Variants in ZNF92 observed in about 807,000 individuals in gnomAD.
The protein encoded by ZNF92 is epididymis luminal protein 203.
ZNF92 carries 11 observed loss-of-function variants against 12.4 expected under a neutral mutation model. That is an observed-to-expected ratio of 0.89 (90% CI 0.56 to 1.47). ZNF92 has a LOEUF of 1.47. Ranked by LOEUF, ZNF92 falls within the 40% of genes most tolerant of loss-of-function variation. The pLI is 0.00. For missense variants in ZNF92, 622 were observed against 681.0 expected (o/e 0.91, Z 0.96); for synonymous variants, 206 against 228.6 (o/e 0.90, Z 0.89).
At chr7:65,393,338 TTTC>T (rs372131896) in intron 3 of ZNF92, among the ~76,000 whole-genome samples, 1 of 149,286 alleles carries the variant, frequency 6.7e-6, no homozygotes, top group African/African-American at 2.5e-5. Context: ...ATGTGACAAT[TTTC>T]TTTTTTAAGG....
intron 1 of ZNF92, among the ~76,000 whole-genome samples, chr7:65,377,153 G>C (rs1267689939): frequency 6.6e-6 from 1 of 152,004 alleles, no homozygotes; most frequent in Admixed American, 6.6e-5. Flanking sequence ...TCCTTCCCTC[G>C]TATTTATACT....
rs556390290 is a variant in ZNF92 at position 65,387,621 on chromosome 7, C to T, written c.4-281C>T. On this transcript the variant is annotated intron_variant, in intron 1 of 3. Coordinates refer to ENST00000328747, the MANE Select transcript of ZNF92 (RefSeq NM_152626.4). The stretch of plus-strand genomic sequence containing the variant: ...TGAAACATATACACTCAGAAATGTA[C>T]GTTTGTGTTCATGCCCTTAATTTTA... Among the ~76,000 whole-genome samples, 9 of 150,864 alleles carry T rather than the reference C, an allele frequency of 6.0e-5. No homozygotes were observed. The East Asian group carries it at 7.8e-4, about 13-fold the overall frequency.
In ZNF92 at chr7:65,398,515, AC is replaced by A. The variant is rs1223695642; in HGVS notation, c.403del (p.Gln135SerfsTer3). The A allele has an allele frequency of 8.1e-6, 13 of 1,612,258 alleles. No homozygotes were observed. Among genetic ancestry groups the A allele is most frequent in the Non-Finnish European group, 1.1e-5 (13 of 1,179,392 alleles). On this transcript the variant is annotated frameshift_variant, in exon 4 of 4. Transcript: ENST00000328747. LOFTEE classifies it low-confidence loss of function (END_TRUNC). ...KVYKGGYNGL[N>X]QCLTTTDSKI... ...TACAAAGGAGGTTATAATGGACTTA[AC>A]CAGTGTTTGACAACTACTGACAGCA...
At position 65,400,453 on chromosome 7, in the gene ZNF92, AC is replaced by A. The variant is rs1209715845; in HGVS notation, c.*579del. 6.6e-6 allele frequency: 1 copy of A among 152,054 alleles called. No individual in the cohort carries two copies. Among genetic ancestry groups the A allele is most frequent in the Non-Finnish European group, 1.5e-5 (1 of 67,924 alleles). The allele number at this position is 152,054 out of a possible 1,614,324, so 9.4% of individuals were successfully genotyped here. A position where few individuals can be genotyped will look rare whatever the true frequency, so the allele number is the denominator to read the frequency against. Reference sequence around the variant, plus strand: ...GCTTGGAAAACATCAGAGAGTTCATACTAAAATATATTTTTGCAGATGCAGT... The same window carrying A: ...GCTTGGAAAACATCAGAGAGTTCATATAAAATATATTTTTGCAGATGCAGT... On this transcript the variant is annotated 3_prime_UTR_variant, in exon 4 of 4. Coordinates refer to ENST00000328747, the MANE Select transcript of ZNF92 (RefSeq NM_152626.4).
Position 65,399,058 on chromosome 7 carries a change from G to T in ZNF92, c.944G>T (p.Cys315Phe), listed in dbSNP as rs1394842148. Reference sequence around the variant, plus strand: ...CATATGGAAGATAAACCCTACAAATGTGAAGAATGTGGCAAAGCCTTTAGA... The same window carrying T: ...CATATGGAAGATAAACCCTACAAATTTGAAGAATGTGGCAAAGCCTTTAGA... ...RIHMEDKPYK[C>F]EECGKAFRVF... Residue 315 changes from cysteine (C) to phenylalanine (F), a missense_variant, in exon 4 of 4, where the codon TGT (cysteine) becomes TTT (phenylalanine). By Grantham distance (205) the Cys-to-Phe change is radical. Transcript: ENST00000328747. 1.2e-6 allele frequency: 2 copies of T among 1,613,208 alleles called. No homozygotes were observed. Among genetic ancestry groups the T allele is most frequent in the Non-Finnish European group, 1.7e-6 (2 of 1,179,686 alleles).
At position 65,388,638 on chromosome 7, in the gene ZNF92, T is replaced by TAA. The variant is rs11379548; in HGVS notation, c.131-158_131-157dup. Among the ~76,000 whole-genome samples, 857 of 148,346 alleles carry TAA rather than the reference T, an allele frequency of 5.8e-3. 13 individuals are homozygous for TAA. The highest frequency in any genetic ancestry group is 0.02 in the African/African-American group (806 of 40,502). ...GGGTGACAGAGTGAGGCTCTGTCTT[T>TAA]AAAAAAAAAAATCTACAAATTTAAA... On this transcript the variant is annotated intron_variant, in intron 2 of 3. Coordinates refer to ENST00000328747, the MANE Select transcript of ZNF92 (RefSeq NM_152626.4).
In ZNF92 at chr7:65,398,778, A is replaced by C; in HGVS notation, c.664A>C (p.Ile222Leu). 1 of 1,613,220 alleles carries C rather than the reference A, an allele frequency of 6.2e-7. No homozygotes were observed. The highest frequency in any genetic ancestry group is 8.5e-7 in the Non-Finnish European group (1 of 1,179,806). The change falls in exon 4 of 4, where the codon ATT becomes CTT. Residue 222 changes from isoleucine (I) to leucine (L), a missense_variant. Coordinates refer to ENST00000328747, the MANE Select transcript of ZNF92 (RefSeq NM_152626.4). ...CTCAACCCTTACTAAACATAAGATA[A>C]TTCATACTGGAGAAAAACCCTACAA... ...WSSTLTKHKIIHTGEKPYKCE... is the reference protein window; with the variant it reads ...WSSTLTKHKILHTGEKPYKCE...
intron 2 of ZNF92, among the ~76,000 whole-genome samples, chr7:65,388,552 C>T (rs990181437): frequency 7.9e-5 from 12 of 151,806 alleles, no homozygotes; most frequent in African/African-American, 2.7e-4. Flanking sequence ...GCAGGAGAAT[C>T]GCTTGAACCC....
At chr7:65,387,394 C>T (rs983509732) in intron 1 of ZNF92, among the ~76,000 whole-genome samples, 1 of 151,854 alleles carries the variant, frequency 6.6e-6, no homozygotes, top group African/African-American at 2.4e-5. Context: ...TGGGAAAACC[C>T]ACACTCCTCC....
chr7:65,400,820 G>C lies in ZNF92; in HGVS notation c.*945G>C, dbSNP rs1793994808. 1 of 151,974 alleles carries C rather than the reference G, an allele frequency of 6.6e-6. No homozygotes were observed. Among genetic ancestry groups the C allele is most frequent in the East Asian group, 1.9e-4 (1 of 5,188 alleles). 9.4% of individuals were successfully genotyped at this position (151,974 alleles called of 1,614,324 possible). ...TGAAAGCAAGTGATCTGTTGTTGCT[G>C]AATCAGAGATATGAGAGATTCTTTT... On this transcript the variant is annotated 3_prime_UTR_variant, in exon 4 of 4. Coordinates refer to ENST00000328747, the MANE Select transcript of ZNF92 (RefSeq NM_152626.4).
intron 1 of ZNF92, among the ~76,000 whole-genome samples, chr7:65,374,319 G>C (rs1793179698): frequency 1.3e-5 from 2 of 152,168 alleles, no homozygotes; most frequent in Admixed American, 1.3e-4. Flanking sequence ...GTAAAGAGAA[G>C]AATCCTGACT....
intron 3 of ZNF92, among the ~76,000 whole-genome samples, chr7:65,391,338 T>C (rs1475881807): frequency 6.6e-6 from 1 of 152,146 alleles, no homozygotes; most frequent in Non-Finnish European, 1.5e-5. Flanking sequence ...TGTCCTATCT[T>C]CCTGATGTCA....
At position 65,398,360 on chromosome 7, in the gene ZNF92, C is replaced by T; in HGVS notation, c.246C>T (p.Ala82=). Residue 82 remains alanine, a synonymous_variant, in exon 4 of 4, where the codon GCC becomes GCT. Coordinates refer to ENST00000328747, the MANE Select transcript of ZNF92 (RefSeq NM_152626.4). The stretch of plus-strand genomic sequence containing the variant: ...TTTCAGTTATGTGTTCTCATTTTGC[C>T]CAAGATGTTTGGCCAGAGCACAGCA... ...DKTPVMCSHF[A]QDVWPEHSIK... The T allele has an allele frequency of 6.4e-7, 1 of 1,551,608 alleles. No individual in the cohort carries two copies. The highest frequency in any genetic ancestry group is 8.7e-7 in the Non-Finnish European group (1 of 1,151,962).
chr7:65,382,822 T>C (rs191469969), intron 1 of ZNF92, among the ~76,000 whole-genome samples: 1 of 152,242 alleles, frequency 6.6e-6, no homozygotes, highest in East Asian at 1.9e-4. Context: ...AATCTGGGTC[T>C]TGCAGTAAAC....
intron 3 of ZNF92, among the ~76,000 whole-genome samples, chr7:65,389,187 G>A (rs943248096): frequency 5.3e-5 from 8 of 152,048 alleles, no homozygotes; most frequent in Middle Eastern, 3.4e-3. Flanking sequence ...TCGAACTCTC[G>A]ACTTCAGGTG....
intron 2 of ZNF92, chr7:65,388,306 C>T (rs1793626904): frequency 4.7e-6 from 1 of 213,126 alleles, no homozygotes; most frequent in African/African-American, 3.4e-5. Context: ...ACCAATTTTT[C>T]ATTTAGTAGT....
intron 3 of ZNF92, among the ~76,000 whole-genome samples, chr7:65,394,112 T>C: frequency 6.6e-6 from 1 of 152,148 alleles, no homozygotes; most frequent in Non-Finnish European, 1.5e-5. Context: ...TTCTTTTCTT[T>C]GTTGCTCATG....
At position 65,375,698 on chromosome 7, in the gene ZNF92, AT is replaced by A. The variant is rs1415852434; in HGVS notation, c.3+1700del. ...GCCGGTTTCTACTAAAATACAAAAA[AT>A]TAGCCAGGCATGGTGGTGCATGCCT... On this transcript the variant is annotated intron_variant, in intron 1 of 3. Transcript: ENST00000328747. Among the ~76,000 whole-genome samples, 3 of 151,876 alleles carry A rather than the reference AT, an allele frequency of 2.0e-5. No homozygotes were observed. The South Asian group carries it at 6.2e-4, about 32-fold the overall frequency.
intron 3 of ZNF92, among the ~76,000 whole-genome samples, chr7:65,394,574 C>G (rs1041532081): frequency 4.6e-5 from 7 of 152,050 alleles, no homozygotes; most frequent in African/African-American, 1.7e-4. Context: ...AAAAACTGTG[C>G]TATAGTATTT....
Sources: gnomAD v4.1 joint callset for allele counts (sites outside exome capture counted in the v4.1 genomes callset) on GRCh38, gnomAD v4.1.1 for gene constraint, MANE v1.5 for transcripts, NCBI Gene and HGNC (gene_info 2026-07-23, HGNC 2026-07-21) for gene names.